The following RIMBP2 variants were observed in gnomAD, a reference collection of about 807,000 sequenced individuals.
The protein encoded by RIMBP2 is RIMS binding protein 2.
RIMBP2 carries 48 observed loss-of-function variants against 118.6 expected under a neutral mutation model. The observed-to-expected ratio is 0.40, with a 90% CI of 0.32 to 0.51. The LOEUF (loss-of-function observed/expected upper bound fraction) is 0.51. RIMBP2 is among the 20% of genes least tolerant of loss of function. The pLI is 0.41. For missense variants in RIMBP2, 1,551 were observed against 1,768.3 expected, an observed-to-expected ratio of 0.88 and a Z score of 2.20; for synonymous variants, 762 against 742.9, an observed-to-expected ratio of 1.03 and a Z score of -0.42.
At chr12:130,477,021 C>A (rs2081487608) in intron 5 of RIMBP2, among the ~76,000 whole-genome samples, 1 of 152,208 alleles carries the variant, frequency 6.6e-6, no homozygotes, top group African/African-American at 2.4e-5. Context: ...ACTTCCTCTT[C>A]TCATGCTTAA....
At chr12:130,579,897 G>A (rs909670284) in intron 2 of RIMBP2, among the ~76,000 whole-genome samples, 1 of 152,002 alleles carries the variant, frequency 6.6e-6, no homozygotes, top group African/African-American at 2.4e-5. Flanking sequence ...AGATCAGTAT[G>A]GCTCACAGCC....
At chr12:130,509,906 A>G (rs1281233002) in intron 3 of RIMBP2, among the ~76,000 whole-genome samples, 1 of 152,208 alleles carries the variant, frequency 6.6e-6, no homozygotes, top group African/African-American at 2.4e-5. Context: ...CTCCCTACAT[A>G]AGGAGTTTCT....
chr12:130,655,479 A>C (rs1055323853), intron 1 of RIMBP2, among the ~76,000 whole-genome samples: 30 of 152,204 alleles, frequency 2.0e-4, no homozygotes, highest in African/African-American at 7.0e-4. Context: ...GCGGAGAGTC[A>C]GAGAAACACC....
chr12:130,401,066 A>G (rs78393440), intron 21 of RIMBP2, among the ~76,000 whole-genome samples: 3,443 of 152,292 alleles, frequency 0.023, 134 homozygotes, highest in African/African-American at 0.079. Flanking sequence ...TGTTTGCACA[A>G]TGTAAACATA....
intron 2 of RIMBP2, among the ~76,000 whole-genome samples, chr12:130,627,167 T>TCTC (rs1473672156): frequency 1.3e-5 from 2 of 152,086 alleles, no homozygotes; most frequent in East Asian, 1.9e-4. Context: ...ATCATCACCA[T>TCTC]CTCCTCCACC....
At chr12:130,615,218 T>A (rs2060831738) in intron 2 of RIMBP2, among the ~76,000 whole-genome samples, 1 of 130,486 alleles carries the variant, frequency 7.7e-6, no homozygotes, top group Admixed American at 8.5e-5. Context: ...ATATTATATA[T>A]TATATACATA....
intron 3 of RIMBP2, 94 bp downstream of exon 3, chr12:130,517,734 G>A (rs991123809): frequency 2.8e-6 from 1 of 355,094 alleles, no homozygotes. Context: ...CTGATGTTCA[G>A]TGATTCTTCC....
Position 130,576,574 on chromosome 12 carries a change from T to A in RIMBP2, c.-217+51748A>T, listed in dbSNP as rs2058096727. Reference sequence around the variant, plus strand: ...CCCAGGAAAGAGAATCAAGCCAGACTATTCAGTCCTCCCAGCCAAGTGGCT... The same window carrying A: ...CCCAGGAAAGAGAATCAAGCCAGACAATTCAGTCCTCCCAGCCAAGTGGCT... On this transcript the variant is annotated intron_variant, in intron 2 of 22. Transcript: ENST00000690449. The surrounding 1 kb of genome is among the most constrained non-coding windows in gnomAD (Gnocchi z 4.2). Among the ~76,000 whole-genome samples, 2 of 152,130 alleles carry A rather than the reference T, an allele frequency of 1.3e-5. No homozygotes were observed. The highest frequency in any genetic ancestry group is 1.3e-4 in the Admixed American group (2 of 15,286).
At chr12:130,480,965 G>GT (rs777921032) in intron 4 of RIMBP2, among the ~76,000 whole-genome samples, 7 of 152,228 alleles carry the variant, frequency 4.6e-5, no homozygotes, top group Non-Finnish European at 7.3e-5. Flanking sequence ...AAGTCATGAG[G>GT]TCGGACACAC....
At chr12:130,508,638 G>A (rs1472988945) in intron 3 of RIMBP2, among the ~76,000 whole-genome samples, 1 of 151,982 alleles carries the variant, frequency 6.6e-6, no homozygotes, top group Non-Finnish European at 1.5e-5. Flanking sequence ...ACACCACCAT[G>A]CTTTGGTGTC....
At chr12:130,630,442 C>A (rs912760125) in intron 1 of RIMBP2, among the ~76,000 whole-genome samples, 1 of 152,024 alleles carries the variant, frequency 6.6e-6, no homozygotes, top group Non-Finnish European at 1.5e-5. Flanking sequence ...TATCAGTAGA[C>A]CTTCATGTTG....
chr12:130,524,525 A>T (rs1417104567), intron 2 of RIMBP2, among the ~76,000 whole-genome samples: 11 of 152,222 alleles, frequency 7.2e-5, no homozygotes, highest in Non-Finnish European at 1.6e-4. Context: ...GGGGTAGCAG[A>T]CGTGAAGAGG....
chr12:130,434,992 C>T lies in RIMBP2; in HGVS notation c.2107-112G>A, dbSNP rs548188190. The stretch of plus-strand genomic sequence containing the variant: ...CCTCAGAGCCTGGCCAGGCACCCCC[C>T]ACACAGTGCTTTGGGCCCAGCTCTG... On this transcript the variant is annotated intron_variant, in intron 13 of 22. Transcript: ENST00000690449. The surrounding 1 kb of genome is among the most constrained non-coding windows in gnomAD (Gnocchi z 5.7). 7 of 1,160,254 alleles carry T rather than the reference C, an allele frequency of 6.0e-6. No individual in the cohort carries two copies. The African/African-American group carries it at 9.4e-5, about 16-fold the overall frequency. 71.9% of individuals were successfully genotyped at this position (1,160,254 alleles called of 1,614,324 possible).
At chr12:130,533,408 G>C (rs1360751587) in intron 2 of RIMBP2, among the ~76,000 whole-genome samples, 1 of 152,158 alleles carries the variant, frequency 6.6e-6, no homozygotes, top group Non-Finnish European at 1.5e-5. Flanking sequence ...AAAAATAACA[G>C]ATACTGGCAA....
rs190642393 is a variant in RIMBP2, at chr12:130,501,972, C to T, written c.-4+4676G>A. 1.3e-3 allele frequency among the ~76,000 whole-genome samples: 195 copies of T among 152,388 alleles called. 2 individuals carry two copies. The highest frequency in any genetic ancestry group is 2.4e-3 in the Non-Finnish European group (166 of 68,044). ...CCCTCAAACCAGGCAGACTCTGAGC[C>T]TTGCTTTGGCCAACGGAATTCGAGA... On this transcript the variant is annotated intron_variant, in intron 4 of 22. Coordinates refer to ENST00000690449, the MANE Select transcript of RIMBP2 (RefSeq NM_001393629.1).
chr12:130,701,226 G>A (rs1346076443), intron 1 of RIMBP2, among the ~76,000 whole-genome samples: 1 of 152,198 alleles, frequency 6.6e-6, no homozygotes, highest in African/African-American at 2.4e-5. Context: ...CCAGCAGGTG[G>A]GAGCTGAGCC....
intron 2 of RIMBP2, among the ~76,000 whole-genome samples, chr12:130,579,932 T>G (rs1232296758): frequency 6.7e-6 from 1 of 149,358 alleles, no homozygotes; most frequent in Non-Finnish European, 1.5e-5. Flanking sequence ...AAATAAGTAA[T>G]ATTCAGTCTG....
chr12:130,437,078 C>A lies in RIMBP2; in HGVS notation c.1870G>T (p.Val624Phe). Residue 624 changes from valine (V) to phenylalanine (F), a missense_variant, in exon 13 of 23, where the codon GTC becomes TTC. Coordinates refer to ENST00000690449, the MANE Select transcript of RIMBP2 (RefSeq NM_001393629.1). ...AGGTGCTCGTCTTTGGTTTCGGGGACTCCAGAACTTGCTAATGGCTTTGAT... is the reference window on the plus strand; with the variant it reads ...AGGTGCTCGTCTTTGGTTTCGGGGAATCCAGAACTTGCTAATGGCTTTGAT... ...PQSKPLASSG[V>F]PETKDEHLGP... 6.3e-7 allele frequency: 1 copy of A among 1,577,212 alleles called. No homozygotes were observed. Among genetic ancestry groups the A allele is most frequent in the Non-Finnish European group, 8.6e-7 (1 of 1,159,490 alleles).
chr12:130,562,597 T>G (rs369339706), intron 2 of RIMBP2, among the ~76,000 whole-genome samples: 2 of 152,326 alleles, frequency 1.3e-5, no homozygotes, highest in South Asian at 4.1e-4. Flanking sequence ...TCTATGAGCC[T>G]CTCCTCTTCT....
Sources: gnomAD v4.1 joint callset for allele counts (sites outside exome capture counted in the v4.1 genomes callset) on GRCh38, gnomAD v4.1.1 for gene constraint, Gnocchi (gnomAD v3.1) non-coding constraint, MANE v1.5 for transcripts, NCBI Gene and HGNC (gene_info 2026-07-23, HGNC 2026-07-21) for gene names.